The following RERE variants were observed in gnomAD, a reference collection of about 807,000 sequenced individuals.
RERE encodes arginine-glutamic acid dipeptide repeats protein.
RERE carries 40 observed loss-of-function variants against 146.1 expected under a neutral mutation model. The observed-to-expected ratio is 0.27, with a 90% CI of 0.21 to 0.36. RERE has a LOEUF of 0.36. Ranked by LOEUF, RERE falls within the 10% of genes least tolerant of loss-of-function variation. RERE has a pLI of 1.00. For synonymous variants in RERE, 1,003 were observed against 866.0 expected, an observed-to-expected ratio of 1.16 and a Z score of -2.78; for missense variants, 1,933 against 2,138.7, an observed-to-expected ratio of 0.90 and a Z score of 1.90.
chr1:8,605,334 G>A (rs1380320710), intron 4 of RERE, among the ~76,000 whole-genome samples: 2 of 152,034 alleles, frequency 1.3e-5, no homozygotes, highest in East Asian at 1.9e-4. Flanking sequence ...AGGTTTCATC[G>A]TGTTATCCAG....
chr1:8,550,272 G>A (rs1163378263), intron 6 of RERE, among the ~76,000 whole-genome samples: 3 of 152,164 alleles, frequency 2.0e-5, no homozygotes, highest in Admixed American at 2.0e-4. Flanking sequence ...ACCAAATATA[G>A]AGCCCTTCAT....
intron 10 of RERE, among the ~76,000 whole-genome samples, chr1:8,490,866 A>G (rs1021781125): frequency 1.3e-5 from 2 of 150,684 alleles, no homozygotes; most frequent in African/African-American, 2.5e-5. Flanking sequence ...GTATCTTGAC[A>G]TTATAGTAGT....
chr1:8,536,526 C>T (rs925593021), intron 7 of RERE, among the ~76,000 whole-genome samples: 6 of 152,176 alleles, frequency 3.9e-5, no homozygotes, highest in Non-Finnish European at 7.3e-5. Flanking sequence ...TAACCACCGA[C>T]GCTGGTGTTT....
At chr1:8,525,259 G>A (rs1378033960) in intron 7 of RERE, among the ~76,000 whole-genome samples, 1 of 152,146 alleles carries the variant, frequency 6.6e-6, no homozygotes, top group Non-Finnish European at 1.5e-5. Context: ...ATTATAATTT[G>A]CTCTGGCAAA....
intron 2 of RERE, among the ~76,000 whole-genome samples, chr1:8,637,068 A>T (rs1647110701): frequency 6.6e-6 from 1 of 152,134 alleles, no homozygotes; most frequent in Non-Finnish European, 1.5e-5. Flanking sequence ...AAATATTCTA[A>T]TTTTTTTAAA....
intron 4 of RERE, among the ~76,000 whole-genome samples, chr1:8,608,140 C>T (rs114315869): frequency 0.011 from 1,691 of 152,240 alleles, 31 homozygotes; most frequent in African/African-American, 0.039. Flanking sequence ...CCTCTCTCCT[C>T]AGCCTCCCAA....
At chr1:8,807,321 T>C (rs1357395011) in intron 1 of RERE, among the ~76,000 whole-genome samples, 2 of 152,164 alleles carry the variant, frequency 1.3e-5, no homozygotes, top group African/African-American at 4.8e-5. Flanking sequence ...CCCAAAGCAC[T>C]AGGATTACAG....
At chr1:8,666,666 G>C (rs1638582824) in intron 1 of RERE, among the ~76,000 whole-genome samples, 2 of 152,218 alleles carry the variant, frequency 1.3e-5, no homozygotes, top group African/African-American at 4.8e-5. Flanking sequence ...CTGATGTAGA[G>C]AATACTTCAA....
chr1:8,650,348 G>A (rs758080033), intron 2 of RERE, among the ~76,000 whole-genome samples: 3 of 152,272 alleles, frequency 2.0e-5, no homozygotes, highest in Non-Finnish European at 2.9e-5. Flanking sequence ...GTGACATTTC[G>A]AGAGGTCCCT....
At chr1:8,444,957 T>C (rs1644299139) in intron 11 of RERE, among the ~76,000 whole-genome samples, 2 of 151,896 alleles carry the variant, frequency 1.3e-5, no homozygotes, top group South Asian at 4.2e-4. Context: ...TAAATCACTA[T>C]GGTATTTAAA....
At chr1:8,523,047 G>GCTACAGATGGGT (rs933442900) in intron 7 of RERE, among the ~76,000 whole-genome samples, 2 of 151,330 alleles carry the variant, frequency 1.3e-5, no homozygotes, top group Admixed American at 1.3e-4. Context: ...GTGTGGTGGC[G>GCTACAGATGGGT]CCCACCTGTA....
chr1:8,718,391 G>A (rs963995948), intron 1 of RERE, among the ~76,000 whole-genome samples: 1 of 152,108 alleles, frequency 6.6e-6, no homozygotes, highest in African/African-American at 2.4e-5. Flanking sequence ...ACCAAAGAGC[G>A]GCAAAATGAA....
At chr1:8,451,928 A>T (rs563370798) in intron 11 of RERE, among the ~76,000 whole-genome samples, 7 of 152,192 alleles carry the variant, frequency 4.6e-5, no homozygotes. Context: ...TCAAAAATAT[A>T]TAATTTTTCC....
At chr1:8,646,724 A>C (rs1419633791) in intron 2 of RERE, among the ~76,000 whole-genome samples, 1 of 152,246 alleles carries the variant, frequency 6.6e-6, no homozygotes, top group Non-Finnish European at 1.5e-5. Flanking sequence ...AGATATGTAC[A>C]CAAAGAGAAT....
intron 12 of RERE, among the ~76,000 whole-genome samples, chr1:8,416,778 G>A (rs975311533): frequency 2.6e-5 from 4 of 152,052 alleles, no homozygotes; most frequent in Admixed American, 2.6e-4. Context: ...TACTATGCAG[G>A]CTCAGAATTC....
intron 12 of RERE, among the ~76,000 whole-genome samples, chr1:8,405,663 G>A (rs776117511): frequency 2.0e-5 from 3 of 152,080 alleles, no homozygotes; most frequent in South Asian, 2.1e-4. Flanking sequence ...TTTTCGAGAC[G>A]GAGTCTCACT....
intron 1 of RERE, among the ~76,000 whole-genome samples, chr1:8,712,456 T>C (rs1393314581): frequency 6.6e-6 from 1 of 152,212 alleles, no homozygotes; most frequent in Non-Finnish European, 1.5e-5. Context: ...CAGTGAAGAA[T>C]ACGAGAGCCC....
At chr1:8,386,948 T>C (rs1015225189) in intron 12 of RERE, among the ~76,000 whole-genome samples, 1 of 152,130 alleles carries the variant, frequency 6.6e-6, no homozygotes, top group Non-Finnish European at 1.5e-5. Flanking sequence ...TTCAACACTA[T>C]CTCATTCAAA....
In RERE at chr1:8,607,530, A is replaced by ATATATTTT. The variant is rs1646732034; in HGVS notation, c.522+7030_522+7031insAAAATATA. 5.2e-5 allele frequency among the ~76,000 whole-genome samples: 3 copies of ATATATTTT among 57,598 alleles called. No homozygotes were observed. In the East Asian group the frequency reaches 2.9e-3, roughly 55 times the overall value. 37.8% of individuals were successfully genotyped at this position (57,598 alleles called of 152,430 possible). ...GCCCCGCATATTTGTTTTTATATAT[A>ATATATTTT]TTTCTTTTTTTTTTTTTTTTTTTTT... On this transcript the variant is annotated intron_variant, in intron 4 of 22. Transcript: ENST00000400908.
Sources: allele counts gnomAD v4.1 joint callset (sites outside exome capture counted in the v4.1 genomes callset), GRCh38; gene constraint gnomAD v4.1.1; transcripts MANE v1.5; gene names NCBI Gene and HGNC (gene_info 2026-07-23, HGNC 2026-07-21).